Variants in DAB1 observed in about 807,000 individuals in gnomAD.
DAB1 encodes DAB adaptor protein 1, also known as disabled homolog 1.
DAB1 carries 15 observed loss-of-function variants against 64.6 expected under a neutral mutation model. The ratio of observed to expected loss-of-function variants is 0.23; its 90% CI spans 0.16 to 0.36. The LOEUF (loss-of-function observed/expected upper bound fraction) is 0.36. DAB1 is among the 10% of genes least tolerant of loss of function. The probability of loss-of-function intolerance (pLI) is 1.00; values close to 1 mark genes in which losing one functional copy is unlikely to be tolerated. For synonymous variants in DAB1, 235 were observed against 251.9 expected, an observed-to-expected ratio of 0.93 and a Z score of 0.64; for missense variants, 596 against 706.7, an observed-to-expected ratio of 0.84 and a Z score of 1.78.
intron 5 of DAB1, among the ~76,000 whole-genome samples, chr1:58,081,637 T>C (rs1028431741): frequency 2.0e-5 from 3 of 152,216 alleles, no homozygotes; most frequent in Non-Finnish European, 4.4e-5. Flanking sequence ...CTTAGAAGAA[T>C]GAAGAGTTGA....
intron 4 of DAB1, among the ~76,000 whole-genome samples, chr1:57,102,763 T>C (rs946871778): frequency 2.0e-5 from 3 of 152,082 alleles, no homozygotes; most frequent in Non-Finnish European, 4.4e-5. Flanking sequence ...GGAAAAAAAA[T>C]GTTTTTCATC....
chr1:58,342,169 G>C (rs566064142), intron 4 of DAB1, among the ~76,000 whole-genome samples: 3 of 152,264 alleles, frequency 2.0e-5, no homozygotes, highest in African/African-American at 7.2e-5. Context: ...CACTGTTTTG[G>C]AATGTCTAGA....
At chr1:57,951,165 A>G (rs555293739) in intron 5 of DAB1, among the ~76,000 whole-genome samples, 22 of 151,762 alleles carry the variant, frequency 1.4e-4, no homozygotes, top group South Asian at 4.2e-4. Context: ...TAATGGTTAC[A>G]TATATAACCA....
At chr1:57,320,143 A>C (rs1273892207) in intron 1 of DAB1, among the ~76,000 whole-genome samples, 9 of 152,176 alleles carry the variant, frequency 5.9e-5, no homozygotes, top group Admixed American at 5.9e-4. Context: ...AATTGTGTCA[A>C]GGGAAGGACC....
intron 3 of DAB1, among the ~76,000 whole-genome samples, chr1:58,441,797 G>A (rs1314658421): frequency 6.6e-6 from 1 of 152,172 alleles, no homozygotes; most frequent in Non-Finnish European, 1.5e-5. Context: ...GTTAATTTAT[G>A]TACTTACGAA....
upstream of DAB1, among the ~76,000 whole-genome samples, chr1:57,426,874 A>T (rs7522718): frequency 0.044 from 6,505 of 149,264 alleles, 377 homozygotes; most frequent in African/African-American, 0.13. Context: ...ATATATATAT[A>T]TTTTTTTGAG....
intron 5 of DAB1, among the ~76,000 whole-genome samples, chr1:57,906,560 G>A (rs770495822): frequency 3.3e-5 from 5 of 152,172 alleles, no homozygotes; most frequent in Non-Finnish European, 7.4e-5. Context: ...TTGCTATGGT[G>A]TCAGGCAGAG....
chr1:57,167,174 C>T (rs1051163563), intron 2 of DAB1, among the ~76,000 whole-genome samples: 3 of 152,176 alleles, frequency 2.0e-5, no homozygotes, highest in African/African-American at 7.2e-5. Flanking sequence ...AATATCAAAG[C>T]AACTTGATAG....
At chr1:58,511,943 C>T (rs1646084110) in intron 2 of DAB1, among the ~76,000 whole-genome samples, 1 of 151,994 alleles carries the variant, frequency 6.6e-6, no homozygotes, top group Non-Finnish European at 1.5e-5. Flanking sequence ...AAGCTCTGCA[C>T]AGCTAAGGAA....
chr1:57,958,664 T>C (rs1481286052), intron 5 of DAB1, among the ~76,000 whole-genome samples: 1 of 152,176 alleles, frequency 6.6e-6, no homozygotes, highest in Non-Finnish European at 1.5e-5. Context: ...AAATGTATTG[T>C]TTCACAGTTC....
rs142979607 is a variant in DAB1 at position 57,249,511 on chromosome 1, C to T, written c.67+41453G>A. On this transcript the variant is annotated intron_variant, in intron 2 of 14. Transcript: ENST00000371236. ...CTTAGTCCCGCAAGTATCTGGAATT[C>T]CAGGTGCATGCCACCACCCCCAGCT... Among the ~76,000 whole-genome samples the T allele has an allele frequency of 3.5e-3, 538 of 152,216 alleles. 1 individual carries two copies. Among genetic ancestry groups the T allele is most frequent in the Non-Finnish European group, 5.4e-3 (370 of 68,002 alleles).
chr1:57,312,396 C>T (rs1391467122), intron 1 of DAB1, among the ~76,000 whole-genome samples: 2 of 151,410 alleles, frequency 1.3e-5, no homozygotes, highest in South Asian at 2.1e-4. Flanking sequence ...AAATAAAATC[C>T]AGAACTAGAC....
chr1:57,716,825 A>C (rs1002617371), intron 6 of DAB1, among the ~76,000 whole-genome samples: 6 of 152,262 alleles, frequency 3.9e-5, no homozygotes, highest in African/African-American at 7.2e-5. Flanking sequence ...AAGTATCTGC[A>C]AGCTATATGT....
At chr1:58,092,084 G>A (rs1261266902) in intron 5 of DAB1, among the ~76,000 whole-genome samples, 1 of 151,946 alleles carries the variant, frequency 6.6e-6, no homozygotes, top group Non-Finnish European at 1.5e-5. Flanking sequence ...CACCTGTAAT[G>A]CCAGCACTTT....
chr1:57,594,348 C>A (rs1250361874), intron 7 of DAB1, among the ~76,000 whole-genome samples: 1 of 152,144 alleles, frequency 6.6e-6, no homozygotes, highest in Non-Finnish European at 1.5e-5. Context: ...GGATTTGAGA[C>A]GTGACACGCA....
chr1:58,247,862 C>T (rs1291048004), intron 4 of DAB1, among the ~76,000 whole-genome samples: 2 of 136,244 alleles, frequency 1.5e-5, no homozygotes, highest in African/African-American at 5.4e-5. Context: ...TATTTGAAGA[C>T]TTAAGCTATC....
intron 2 of DAB1, among the ~76,000 whole-genome samples, chr1:57,239,793 C>A (rs759166343): frequency 7.9e-5 from 12 of 152,176 alleles, no homozygotes; most frequent in East Asian, 1.9e-4. Context: ...CAGATAAATT[C>A]TCTCTTTTCT....
intron 2 of DAB1, among the ~76,000 whole-genome samples, chr1:57,233,389 A>G (rs1471342488): frequency 7.0e-6 from 1 of 142,464 alleles, no homozygotes; most frequent in African/African-American, 2.6e-5. Context: ...CAGCCTCCCA[A>G]GTAGCTGGGA....
intron 4 of DAB1, among the ~76,000 whole-genome samples, chr1:58,233,748 C>A (rs1050706726): frequency 1.3e-5 from 2 of 152,194 alleles, no homozygotes; most frequent in Non-Finnish European, 2.9e-5. Flanking sequence ...TCCCTTCAAG[C>A]TACTCTGAGC....
Sources: allele counts gnomAD v4.1 joint callset (sites outside exome capture counted in the v4.1 genomes callset), GRCh38; gene constraint gnomAD v4.1.1; transcripts MANE v1.5; gene names NCBI Gene and HGNC (gene_info 2026-07-23, HGNC 2026-07-21).